Variants in PDE8B observed in about 807,000 individuals in gnomAD.
PDE8B encodes the protein high affinity cAMP-specific and IBMX-insensitive 3',5'-cyclic phosphodiesterase 8B.
In PDE8B, 26 loss-of-function variants were observed where a neutral mutation model predicts 101.3. That is an observed-to-expected ratio of 0.26 (90% CI 0.19 to 0.36). The LOEUF is 0.36. Among genes scored for constraint, PDE8B ranks in the 10% least tolerant of loss-of-function variants. The pLI, the probability that PDE8B is intolerant of heterozygous loss-of-function variation, is 1.00. For synonymous variants in PDE8B, 424 were observed against 429.3 expected, an observed-to-expected ratio of 0.99 and a Z score of 0.15; for missense variants, 810 against 1,163.1, an observed-to-expected ratio of 0.70 and a Z score of 4.42.
At chr5:77,395,747 C>T (rs1790910151) in intron 10 of PDE8B, among the ~76,000 whole-genome samples, 2 of 151,322 alleles carry the variant, frequency 1.3e-5, no homozygotes, top group African/African-American at 4.9e-5. Flanking sequence ...ACCCCCTCAC[C>T]AGACACACAC....
the PDE8B span, among the ~76,000 whole-genome samples, chr5:77,090,071 A>T: frequency 6.6e-6 from 1 of 152,218 alleles, no homozygotes. Context: ...TCACACTCAT[A>T]TGTGGGAGCT....
intron 1 of PDE8B, among the ~76,000 whole-genome samples, chr5:77,219,363 T>G (rs1750571230): frequency 6.6e-6 from 1 of 152,212 alleles, no homozygotes; most frequent in Admixed American, 6.5e-5. Flanking sequence ...CAGTTGCCTG[T>G]GTGAGTCATA....
intron 1 of PDE8B, among the ~76,000 whole-genome samples, chr5:77,260,487 A>C (rs1760305672): frequency 6.6e-6 from 1 of 152,150 alleles, no homozygotes; most frequent in African/African-American, 2.4e-5. Flanking sequence ...GAAATAGCAA[A>C]TATATCCATA....
intron 20 of PDE8B, among the ~76,000 whole-genome samples, chr5:77,424,827 TTTTTTG>T (rs1797621530): frequency 1.1e-3 from 51 of 45,842 alleles, no homozygotes; most frequent in African/African-American, 2.5e-3. Context: ...TTGTTTTTTG[TTTTTTG>T]TTTTTAATGT....
intron 6 of PDE8B, among the ~76,000 whole-genome samples, chr5:77,338,358 G>C (rs1778570628): frequency 6.6e-6 from 1 of 152,196 alleles, no homozygotes; most frequent in Non-Finnish European, 1.5e-5. Flanking sequence ...CCTGGTCAGG[G>C]AAGTCACTTT....
chr5:77,378,032 ACACACACACACACACACC>A (rs1180604129), intron 10 of PDE8B, among the ~76,000 whole-genome samples: 2 of 133,412 alleles, frequency 1.5e-5, no homozygotes, highest in African/African-American at 5.7e-5. Flanking sequence ...ACACACACAC[ACACACACACACACACACC>A]CCCTGTTGGT....
At chr5:77,273,039 G>A (rs1484319788) in intron 1 of PDE8B, among the ~76,000 whole-genome samples, 1 of 152,186 alleles carries the variant, frequency 6.6e-6, no homozygotes, top group African/African-American at 2.4e-5. Context: ...AAAGAAACTT[G>A]CTTATCCAAA....
chr5:77,234,894 C>G (rs565280891), intron 1 of PDE8B, among the ~76,000 whole-genome samples: 6 of 152,250 alleles, frequency 3.9e-5, no homozygotes, highest in African/African-American at 1.4e-4. Context: ...TATCTGGGAC[C>G]AGTGAGGATT....
chr5:77,344,292 C>T (rs890344241), intron 6 of PDE8B, among the ~76,000 whole-genome samples: 3 of 152,280 alleles, frequency 2.0e-5, no homozygotes, highest in African/African-American at 4.8e-5. Context: ...ATCACGGACA[C>T]GTGAGGGTGT....
At chr5:77,216,603 C>T (rs1240789644) in intron 1 of PDE8B, among the ~76,000 whole-genome samples, 1 of 152,128 alleles carries the variant, frequency 6.6e-6, no homozygotes, top group Admixed American at 6.5e-5. Context: ...AGGGACACAG[C>T]CAAACCATAT....
At chr5:77,243,343 C>T (rs1483715981) in intron 1 of PDE8B, among the ~76,000 whole-genome samples, 1 of 151,908 alleles carries the variant, frequency 6.6e-6, no homozygotes, top group African/African-American at 2.4e-5. Context: ...GAAAAAACAC[C>T]CCAGCTTTAT....
the PDE8B span, among the ~76,000 whole-genome samples, chr5:77,089,599 G>A: frequency 3.3e-5 from 5 of 152,294 alleles, no homozygotes; most frequent in Middle Eastern, 3.4e-3. Context: ...TTTGCAATGT[G>A]AAGGCCAACT....
At chr5:77,170,825 C>A in the PDE8B span, among the ~76,000 whole-genome samples, 2 of 152,164 alleles carry the variant, frequency 1.3e-5, no homozygotes, top group Admixed American at 1.3e-4. Flanking sequence ...AATTATATCA[C>A]TGTCCCAAGA....
chr5:77,424,873 T>G (rs1797658812), intron 20 of PDE8B, among the ~76,000 whole-genome samples: 1 of 150,368 alleles, frequency 6.7e-6, no homozygotes, highest in African/African-American at 2.4e-5. Flanking sequence ...TAACCCAAAC[T>G]GGAGTGCAGT....
chr5:77,226,901 C>T (rs1321470499), intron 1 of PDE8B, among the ~76,000 whole-genome samples: 1 of 152,138 alleles, frequency 6.6e-6, no homozygotes, highest in African/African-American at 2.4e-5. Context: ...TTGTAATTCT[C>T]CTCCCTTATG....
intron 19 of PDE8B, among the ~76,000 whole-genome samples, chr5:77,420,947 C>T (rs1378281338): frequency 1.3e-5 from 2 of 152,222 alleles, no homozygotes; most frequent in African/African-American, 4.8e-5. Context: ...TTAAACCCCC[C>T]AAATGTCATG....
the PDE8B span, among the ~76,000 whole-genome samples, chr5:77,089,822 G>C: frequency 6.6e-6 from 1 of 152,180 alleles, no homozygotes; most frequent in Non-Finnish European, 1.5e-5. Context: ...AAGGAAATCA[G>C]TGTATCAAAG....
the PDE8B span, chr5:77,145,777 C>T: frequency 6.6e-6 from 1 of 152,220 alleles, no homozygotes; most frequent in East Asian, 1.9e-4. Context: ...GGAAAGAGTA[C>T]AAAATGAAAG....
At chr5:77,167,847 GGACTCCTGGGGAGTCTTGA>G in the PDE8B span, among the ~76,000 whole-genome samples, 1 of 152,120 alleles carries the variant, frequency 6.6e-6, no homozygotes. Flanking sequence ...CGTGTGCCCA[GGACTCCTGGGGAGTCTTGA>G]GGGAGAAACA....
Sources: allele counts gnomAD v4.1 joint callset (sites outside exome capture counted in the v4.1 genomes callset), GRCh38; gene constraint gnomAD v4.1.1; transcripts MANE v1.5; gene names NCBI Gene and HGNC (gene_info 2026-07-23, HGNC 2026-07-21).